Variants in CTNND2 observed in about 807,000 individuals in gnomAD.
CTNND2 encodes the protein catenin delta-2.
A neutral mutation model predicts 144.4 loss-of-function variants in CTNND2; 22 were observed. The ratio of observed to expected loss-of-function variants is 0.15; its 90% CI spans 0.11 to 0.22. CTNND2 has a LOEUF of 0.22. Among genes scored for constraint, CTNND2 ranks in the 10% least tolerant of loss-of-function variants. CTNND2 has a pLI of 1.00. For missense variants in CTNND2, 1,353 were observed against 1,618.8 expected, an observed-to-expected ratio of 0.84 and a Z score of 2.82; for synonymous variants, 751 against 695.6, an observed-to-expected ratio of 1.08 and a Z score of -1.25.
chr5:11,542,769 T>C (rs1197551008), intron 3 of CTNND2, among the ~76,000 whole-genome samples: 3 of 152,238 alleles, frequency 2.0e-5, no homozygotes, highest in Non-Finnish European at 4.4e-5. Context: ...ATGCCACTTC[T>C]TGTTCATCAC....
At chr5:11,794,537 A>G (rs1005159645) in intron 1 of CTNND2, among the ~76,000 whole-genome samples, 2 of 152,156 alleles carry the variant, frequency 1.3e-5, no homozygotes, top group Non-Finnish European at 1.5e-5. Context: ...TGTCATCTGT[A>G]GACTCTTCTT....
chr5:11,462,042 G>A (rs1003087338), intron 3 of CTNND2, among the ~76,000 whole-genome samples: 1 of 152,052 alleles, frequency 6.6e-6, no homozygotes, highest in Non-Finnish European at 1.5e-5. Context: ...CACCCCAGGT[G>A]GTGACCAGAT....
At chr5:11,030,798 G>T (rs1357571325) in intron 16 of CTNND2, among the ~76,000 whole-genome samples, 13 of 108,968 alleles carry the variant, frequency 1.2e-4, no homozygotes, top group Admixed American at 2.1e-4. Flanking sequence ...GTTTTTCCTT[G>T]AACTGGTCAT....
At chr5:11,435,215 C>T (rs1871471) in intron 3 of CTNND2, among the ~76,000 whole-genome samples, 4,138 of 151,806 alleles carry the variant, frequency 0.027, 198 homozygotes, top group African/African-American at 0.093. Flanking sequence ...CACAGCTCAC[C>T]GCAAGCTCTG....
chr5:11,443,190 T>C (rs1201866784), intron 3 of CTNND2, among the ~76,000 whole-genome samples: 1 of 149,344 alleles, frequency 6.7e-6, no homozygotes, highest in East Asian at 2.0e-4. Flanking sequence ...GTGTGTGGTG[T>C]GTGTGTGTGT....
At chr5:11,083,616 C>A (rs1358479722) in intron 15 of CTNND2, among the ~76,000 whole-genome samples, 1 of 152,152 alleles carries the variant, frequency 6.6e-6, no homozygotes, top group African/African-American at 2.4e-5. Flanking sequence ...AGAATGCAGG[C>A]CCACGTTTTC....
chr5:11,381,486 G>C (rs893950841), intron 7 of CTNND2, among the ~76,000 whole-genome samples: 2 of 152,160 alleles, frequency 1.3e-5, no homozygotes, highest in Non-Finnish European at 2.9e-5. Context: ...TGGTCTCCTT[G>C]CTACTCAGCA....
chr5:11,887,867 C>T (rs1229168235), intron 1 of CTNND2, among the ~76,000 whole-genome samples: 1 of 152,238 alleles, frequency 6.6e-6, no homozygotes, highest in East Asian at 1.9e-4. Flanking sequence ...ATGTCTTCCA[C>T]ATGATTAGAC....
chr5:11,101,881 C>A (rs1751917967), intron 14 of CTNND2, among the ~76,000 whole-genome samples: 1 of 97,630 alleles, frequency 1.0e-5, no homozygotes, highest in Admixed American at 9.0e-5. Context: ...TGCATGACGA[C>A]CACATATGTG....
chr5:11,458,614 G>C (rs1190042843), intron 3 of CTNND2, among the ~76,000 whole-genome samples: 1 of 152,198 alleles, frequency 6.6e-6, no homozygotes, highest in Non-Finnish European at 1.5e-5. Context: ...TTATTTTTCT[G>C]AATGAGACCA....
chr5:11,431,696 G>A (rs1181743773), intron 3 of CTNND2, among the ~76,000 whole-genome samples: 1 of 152,094 alleles, frequency 6.6e-6, no homozygotes, highest in East Asian at 1.9e-4. Flanking sequence ...GAAGCCCTCC[G>A]AAACCTTCCT....
At chr5:11,306,475 C>T (rs1014436619) in intron 9 of CTNND2, among the ~76,000 whole-genome samples, 1 of 152,088 alleles carries the variant, frequency 6.6e-6, no homozygotes, top group East Asian at 1.9e-4. Flanking sequence ...GGGGTGGATC[C>T]GAGGATGTCT....
chr5:11,034,344 T>C (rs1743837216), intron 16 of CTNND2, among the ~76,000 whole-genome samples: 1 of 152,234 alleles, frequency 6.6e-6, no homozygotes, highest in Non-Finnish European at 1.5e-5. Context: ...TGAATTGTAA[T>C]AACTGCTGTT....
intron 3 of CTNND2, among the ~76,000 whole-genome samples, chr5:11,540,499 G>C (rs1774626158): frequency 6.6e-6 from 1 of 152,150 alleles, no homozygotes; most frequent in Non-Finnish European, 1.5e-5. Flanking sequence ...AGGTCATACT[G>C]TTCATGCTGC....
At chr5:11,114,153 C>T (rs1753307712) in intron 13 of CTNND2, among the ~76,000 whole-genome samples, 1 of 152,202 alleles carries the variant, frequency 6.6e-6, no homozygotes, top group Non-Finnish European at 1.5e-5. Flanking sequence ...TCAGAATGAT[C>T]TTTAAATCAG....
At chr5:11,042,214 G>C (rs1420460403) in intron 16 of CTNND2, among the ~76,000 whole-genome samples, 1 of 152,116 alleles carries the variant, frequency 6.6e-6, no homozygotes, top group Non-Finnish European at 1.5e-5. Context: ...CACAGAAGCT[G>C]TAATTTCACA....
chr5:11,734,576 A>C (rs1787577221), intron 1 of CTNND2, among the ~76,000 whole-genome samples: 1 of 152,194 alleles, frequency 6.6e-6, no homozygotes, highest in South Asian at 2.1e-4. Flanking sequence ...ATCTCAATAA[A>C]AGACTGAGAG....
At chr5:11,427,276 T>C (rs1466189290) in intron 3 of CTNND2, among the ~76,000 whole-genome samples, 1 of 111,594 alleles carries the variant, frequency 9.0e-6, no homozygotes, top group African/African-American at 5.9e-5. Context: ...TCCCATATGC[T>C]TTTTTTTTTT....
chr5:11,556,096 A>T (rs1158355148), intron 3 of CTNND2, among the ~76,000 whole-genome samples: 3 of 152,166 alleles, frequency 2.0e-5, no homozygotes, highest in African/African-American at 7.2e-5. Context: ...CCTAGCATGG[A>T]AACTAACAAT....
Sources: gnomAD v4.1 joint callset for allele counts (sites outside exome capture counted in the v4.1 genomes callset) on GRCh38, gnomAD v4.1.1 for gene constraint, MANE v1.5 for transcripts, NCBI Gene and HGNC (gene_info 2026-07-23, HGNC 2026-07-21) for gene names.